PTPN4: variants seen among roughly 807,000 people sequenced by gnomAD.
PTPN4 encodes the protein protein tyrosine phosphatase non-receptor type 4.
A neutral mutation model predicts 135.5 loss-of-function variants in PTPN4; 49 were observed. The ratio of observed to expected loss-of-function variants is 0.36; its 90% CI spans 0.29 to 0.46. The LOEUF is 0.46. Ranked by LOEUF, PTPN4 falls within the 20% of genes least tolerant of loss-of-function variation. The pLI, the probability that PTPN4 is intolerant of heterozygous loss-of-function variation, is 1.00. For missense variants in PTPN4, 860 were observed against 1,101.0 expected, an observed-to-expected ratio of 0.78 and a Z score of 3.10; for synonymous variants, 333 against 369.9, an observed-to-expected ratio of 0.90 and a Z score of 1.14.
At chr2:119,803,662 G>A (rs902773030) in intron 1 of PTPN4, among the ~76,000 whole-genome samples, 1 of 152,134 alleles carries the variant, frequency 6.6e-6, no homozygotes, top group Non-Finnish European at 1.5e-5. Context: ...TTCTATAAAT[G>A]TTCATGATTA....
In PTPN4 at chr2:119,956,885, C is replaced by T; in HGVS notation, c.2022C>T (p.Ala674=). Residue 674 remains alanine, a synonymous_variant, in exon 21 of 27, where the codon GCC becomes GCT. Coordinates refer to ENST00000263708, the MANE Select transcript of PTPN4 (RefSeq NM_002830.4). ...RKKPGMTMSC[A]KLPQNISKNR... is the part of the protein sequence containing the mutation. Reference sequence around the variant, plus strand: ...AACCTGGAATGACAATGTCCTGTGCCAAATTACCTCAGAATATTTCCAAAA... The same window carrying T: ...AACCTGGAATGACAATGTCCTGTGCTAAATTACCTCAGAATATTTCCAAAA... The T allele has an allele frequency of 6.2e-7, 1 of 1,607,720 alleles. No individual in the cohort carries two copies. Among genetic ancestry groups the T allele is most frequent in the South Asian group, 1.1e-5 (1 of 89,294 alleles).
chr2:119,844,545 C>T (rs1445526906), intron 2 of PTPN4, among the ~76,000 whole-genome samples: 47 of 141,318 alleles, frequency 3.3e-4, no homozygotes, highest in African/African-American at 3.9e-4. Flanking sequence ...ACGGGGCGGC[C>T]GGGCAGAGAC....
At chr2:119,901,916 T>G (rs997442410) in intron 10 of PTPN4, among the ~76,000 whole-genome samples, 4 of 151,960 alleles carry the variant, frequency 2.6e-5, no homozygotes, top group African/African-American at 9.6e-5. Context: ...CAATAGAAAC[T>G]TCAAAAACCG....
At chr2:119,963,478 C>A (rs1259731308) in intron 24 of PTPN4, among the ~76,000 whole-genome samples, 1 of 152,152 alleles carries the variant, frequency 6.6e-6, no homozygotes. Flanking sequence ...TAGAGAAGAG[C>A]AAATAGCCCA....
At chr2:119,829,558 A>C (rs1558738281) in intron 2 of PTPN4, among the ~76,000 whole-genome samples, 1 of 152,226 alleles carries the variant, frequency 6.6e-6, no homozygotes, top group Non-Finnish European at 1.5e-5. Flanking sequence ...TATTGGTTAT[A>C]AGTAGAATCA....
At chr2:119,951,351 G>T (rs1679208707) in intron 18 of PTPN4, among the ~76,000 whole-genome samples, 2 of 152,108 alleles carry the variant, frequency 1.3e-5, no homozygotes, top group South Asian at 4.1e-4. Flanking sequence ...TATTCACTTT[G>T]CTGCACTTTC....
intron 24 of PTPN4, among the ~76,000 whole-genome samples, chr2:119,963,030 G>A (rs900774463): frequency 6.6e-6 from 1 of 152,082 alleles, no homozygotes; most frequent in Non-Finnish European, 1.5e-5. Flanking sequence ...CAGAACAACT[G>A]TTTAGATATG....
At position 119,941,421 on chromosome 2, in the gene PTPN4, G is replaced by GTGTT. The variant is rs1176208404; in HGVS notation, c.1356-3657_1356-3656insTTGT. On this transcript the variant is annotated intron_variant, in intron 15 of 26. Coordinates refer to ENST00000263708, the MANE Select transcript of PTPN4 (RefSeq NM_002830.4). ...CTTTTATAGACTTCAGAGTGTGTGT[G>GTGTT]TGTGTGTGTGTGTGTGTATAGAGTT... Among the ~76,000 whole-genome samples, 4 of 151,752 alleles carry GTGTT rather than the reference G, an allele frequency of 2.6e-5. No individual in the cohort carries two copies. In the East Asian group the frequency reaches 7.7e-4, roughly 29 times the overall value.
At chr2:119,805,573 C>G (rs1691452991) in intron 1 of PTPN4, among the ~76,000 whole-genome samples, 1 of 152,150 alleles carries the variant, frequency 6.6e-6, no homozygotes, top group African/African-American at 2.4e-5. Flanking sequence ...TCAGGTTTGT[C>G]AAAGATCAGA....
intron 9 of PTPN4, among the ~76,000 whole-genome samples, chr2:119,895,047 A>G (rs535328660): frequency 1.4e-4 from 21 of 152,322 alleles, no homozygotes; most frequent in Non-Finnish European, 2.9e-4. Flanking sequence ...TGTGTTAGAA[A>G]AAGTTGTATA....
intron 1 of PTPN4, among the ~76,000 whole-genome samples, chr2:119,794,270 C>G (rs1271823903): frequency 6.6e-6 from 1 of 152,190 alleles, no homozygotes; most frequent in South Asian, 2.1e-4. Flanking sequence ...AGCTGGAAAC[C>G]TCTGTGGCCA....
chr2:119,761,556 AT>A (rs1295781679), intron 1 of PTPN4, among the ~76,000 whole-genome samples: 1 of 152,198 alleles, frequency 6.6e-6, no homozygotes, highest in African/African-American at 2.4e-5. Context: ...AAGTGTGATC[AT>A]TTTGTGGACA....
intron 3 of PTPN4, among the ~76,000 whole-genome samples, chr2:119,865,773 A>G (rs542427737): frequency 1.1e-4 from 17 of 152,234 alleles, no homozygotes; most frequent in Non-Finnish European, 2.5e-4. Context: ...TTATGTGTAT[A>G]TGTGTATTTT....
intron 10 of PTPN4, among the ~76,000 whole-genome samples, chr2:119,908,706 C>T (rs1474906388): frequency 6.6e-6 from 1 of 152,026 alleles, no homozygotes; most frequent in Non-Finnish European, 1.5e-5. Context: ...CTGTCACTTT[C>T]GATCAAAAAT....
At chr2:119,952,423 T>C (rs1679223629) in intron 19 of PTPN4, among the ~76,000 whole-genome samples, 1 of 152,182 alleles carries the variant, frequency 6.6e-6, no homozygotes, top group Admixed American at 6.5e-5. Flanking sequence ...TGTGCTGACA[T>C]ACTCTTTTTG....
intron 12 of PTPN4, among the ~76,000 whole-genome samples, chr2:119,923,040 T>C (rs1200696749): frequency 6.6e-6 from 1 of 152,214 alleles, no homozygotes; most frequent in African/African-American, 2.4e-5. Flanking sequence ...TCTTCTTTTT[T>C]CCTTGATTAG....
chr2:119,789,330 A>G (rs553396713), intron 1 of PTPN4, among the ~76,000 whole-genome samples: 2 of 152,168 alleles, frequency 1.3e-5, no homozygotes, highest in Non-Finnish European at 2.9e-5. Flanking sequence ...CATTAGGTTC[A>G]TCTGATACAT....
chr2:119,901,590 C>T (rs145252186), intron 10 of PTPN4, among the ~76,000 whole-genome samples: 196 of 152,214 alleles, frequency 1.3e-3, no homozygotes, highest in African/African-American at 4.5e-3. Context: ...AATTACAAGA[C>T]GTGTCGAAAG....
intron 10 of PTPN4, among the ~76,000 whole-genome samples, chr2:119,910,919 A>T (rs1678562234): frequency 6.6e-6 from 1 of 152,170 alleles, no homozygotes; most frequent in Non-Finnish European, 1.5e-5. Context: ...TACCATTAAT[A>T]AATTTCACAA....
Sources: allele counts gnomAD v4.1 joint callset (sites outside exome capture counted in the v4.1 genomes callset), GRCh38; gene constraint gnomAD v4.1.1; transcripts MANE v1.5; gene names NCBI Gene and HGNC (gene_info 2026-07-23, HGNC 2026-07-21).